The following NWD2 variants were observed in gnomAD, a reference collection of about 807,000 sequenced individuals.
NWD2 encodes NACHT and WD repeat domain containing 2, also known as NACHT and WD repeat domain-containing protein 2.
Under a neutral mutation model 132.7 loss-of-function variants are expected in NWD2, and 37 were observed. That is an observed-to-expected ratio of 0.28 (90% CI 0.21 to 0.37). The LOEUF (loss-of-function observed/expected upper bound fraction) is 0.37. Among genes scored for constraint, NWD2 ranks in the 10% least tolerant of loss-of-function variants. The probability of loss-of-function intolerance (pLI) is 1.00; values close to 1 mark genes in which losing one functional copy is unlikely to be tolerated. For synonymous variants in NWD2, 705 were observed against 803.0 expected (o/e 0.88, Z 2.06); for missense variants, 1,592 against 2,122.4 (o/e 0.75, Z 4.91).
chr4:37,273,414 C>A (rs566194652), intron 1 of NWD2, among the ~76,000 whole-genome samples: 9 of 152,000 alleles, frequency 5.9e-5, no homozygotes, highest in Admixed American at 1.3e-4. Flanking sequence ...AATACAGGAG[C>A]ACCCAGATTC....
intron 3 of NWD2, among the ~76,000 whole-genome samples, chr4:37,420,318 A>C (rs1414476556): frequency 1.3e-5 from 2 of 151,810 alleles, no homozygotes; most frequent in Non-Finnish European, 2.9e-5. Context: ...GTGATCCTCA[A>C]CTCCACCCTC....
chr4:37,413,991 G>A (rs543530128), intron 3 of NWD2, among the ~76,000 whole-genome samples: 1 of 152,102 alleles, frequency 6.6e-6, no homozygotes, highest in South Asian at 2.1e-4. Context: ...GGCAAGGAGA[G>A]GGATAGCATT....
intron 1 of NWD2, among the ~76,000 whole-genome samples, chr4:37,297,725 A>T (rs190454323): frequency 4.4e-4 from 67 of 152,198 alleles, no homozygotes; most frequent in African/African-American, 1.4e-3. Context: ...TACATCAGTT[A>T]TTTTGTAGAA....
chr4:37,294,449 G>A (rs1718436942), intron 1 of NWD2, among the ~76,000 whole-genome samples: 1 of 152,036 alleles, frequency 6.6e-6, no homozygotes, highest in African/African-American at 2.4e-5. Context: ...ACTTGCCAGA[G>A]GCCATAGGAG....
chr4:37,436,147 T>G (rs1172363291), intron 5 of NWD2, among the ~76,000 whole-genome samples: 1 of 152,220 alleles, frequency 6.6e-6, no homozygotes, highest in Non-Finnish European at 1.5e-5. Flanking sequence ...TTCTCATGGA[T>G]AATAGTTACC....
chr4:37,297,347 T>C (rs1718515980), intron 1 of NWD2, among the ~76,000 whole-genome samples: 1 of 152,224 alleles, frequency 6.6e-6, no homozygotes, highest in African/African-American at 2.4e-5. Flanking sequence ...GTATTATTTT[T>C]ATTGTATTTT....
At chr4:37,418,735 T>A (rs1711706875) in intron 3 of NWD2, among the ~76,000 whole-genome samples, 2 of 152,000 alleles carry the variant, frequency 1.3e-5, no homozygotes, top group Admixed American at 6.6e-5. Context: ...CTTGAGGAAT[T>A]GCCACACTGT....
intron 2 of NWD2, 106 bp downstream of exon 2, chr4:37,326,130 A>C (rs542475014): frequency 3.4e-5 from 22 of 648,786 alleles, no homozygotes; most frequent in African/African-American, 3.2e-4. Flanking sequence ...AGGCCCTGAA[A>C]AAATTTATTT....
At chr4:37,336,959 A>AAG (rs1553894064) in intron 2 of NWD2, among the ~76,000 whole-genome samples, 2 of 150,056 alleles carry the variant, frequency 1.3e-5, no homozygotes, top group African/African-American at 5.0e-5. Context: ...AAAGAAAAAA[A>AAG]AAAAAAAAAA....
At chr4:37,301,197 G>A (rs1718605512) in intron 1 of NWD2, among the ~76,000 whole-genome samples, 1 of 152,002 alleles carries the variant, frequency 6.6e-6, no homozygotes, top group Non-Finnish European at 1.5e-5. Context: ...AAATATAATT[G>A]TCATGTTGTA....
intron 3 of NWD2, among the ~76,000 whole-genome samples, chr4:37,378,647 G>A (rs1224619007): frequency 6.6e-6 from 1 of 152,068 alleles, no homozygotes; most frequent in Non-Finnish European, 1.5e-5. Context: ...CTTAATTTGA[G>A]TGACCTTTGA....
At chr4:37,294,260 A>G (rs1718429769) in intron 1 of NWD2, among the ~76,000 whole-genome samples, 1 of 152,168 alleles carries the variant, frequency 6.6e-6, no homozygotes, top group South Asian at 2.1e-4. Context: ...TACTGTCTGG[A>G]CATTTTTATC....
chr4:37,408,381 G>A (rs1303998095), intron 3 of NWD2, among the ~76,000 whole-genome samples: 3 of 152,200 alleles, frequency 2.0e-5, no homozygotes, highest in African/African-American at 7.2e-5. Context: ...GCTTGAGTAG[G>A]TGGTTTTATG....
chr4:37,320,613 G>A (rs973038653), intron 1 of NWD2, among the ~76,000 whole-genome samples: 1 of 152,032 alleles, frequency 6.6e-6, no homozygotes, highest in Non-Finnish European at 1.5e-5. Flanking sequence ...TGAGTACAGA[G>A]GAATTATCTG....
chr4:37,373,270 CTCTT>C (rs374574883), intron 3 of NWD2, among the ~76,000 whole-genome samples: 94 of 152,348 alleles, frequency 6.2e-4, no homozygotes, highest in African/African-American at 2.1e-3. Context: ...CATAACTACT[CTCTT>C]TCTAATATTT....
chr4:37,444,288 G>T lies in NWD2; in HGVS notation c.2300G>T (p.Trp767Leu), dbSNP rs1368796050. The T allele has an allele frequency of 6.4e-7, 1 of 1,551,658 alleles. No individual in the cohort carries two copies. Among genetic ancestry groups the T allele is most frequent in the Non-Finnish European group, 8.7e-7 (1 of 1,146,970 alleles). ...TTAGCAGATTATTTTCTGGGGGTTT[G>T]GTCAGGGGGCAGGAGGAAAGCCTTC... Reference protein sequence around the residue: ...TILADYFLGVWSGGRRKAFCL... With the variant: ...TILADYFLGVLSGGRRKAFCL... The change falls in exon 7 of 7, where the codon TGG becomes TTG. Residue 767 changes from tryptophan to leucine, a missense_variant. Coordinates refer to ENST00000309447, the MANE Select transcript of NWD2 (RefSeq NM_001144990.2). The surrounding 1 kb of genome is among the most constrained non-coding windows in gnomAD (Gnocchi z 4.8).
At position 37,245,172 on chromosome 4, in the gene NWD2, G is replaced by A; in HGVS notation, c.105G>A (p.Val35=). The A allele has an allele frequency of 6.5e-7, 1 of 1,544,900 alleles. No individual in the cohort carries two copies. ...TCACGGCCCTGCCCTCTCACCTCGT[G>A]CCCGCCGGCCGCAGCGTCCGGGTCT... ...GNLTALPSHL[V]PAGRSVRVFI... Residue 35 remains valine (V), a synonymous_variant, in exon 1 of 7, where the codon GTG becomes GTA. Transcript: ENST00000309447.
At chr4:37,327,517 T>C (rs1046602648) in intron 2 of NWD2, among the ~76,000 whole-genome samples, 3 of 152,072 alleles carry the variant, frequency 2.0e-5, no homozygotes, top group Non-Finnish European at 4.4e-5. Context: ...GACCCCCAGT[T>C]CTCTACGGGT....
chr4:37,375,190 C>T (rs554622315), intron 3 of NWD2, among the ~76,000 whole-genome samples: 23 of 152,102 alleles, frequency 1.5e-4, no homozygotes, highest in Non-Finnish European at 3.1e-4. Flanking sequence ...CTAGCATAAC[C>T]CTGACTCCCA....
Sources: allele counts gnomAD v4.1 joint callset (sites outside exome capture counted in the v4.1 genomes callset), GRCh38; gene constraint gnomAD v4.1.1; non-coding constraint Gnocchi (gnomAD v3.1); transcripts MANE v1.5; gene names NCBI Gene and HGNC (gene_info 2026-07-23, HGNC 2026-07-21).